Variants in MARCHF1 observed in about 807,000 individuals in gnomAD.
MARCHF1 encodes the protein membrane associated ring-CH-type finger 1.
MARCHF1 carries 40 observed loss-of-function variants against 54.2 expected under a neutral mutation model. That is an observed-to-expected ratio of 0.74 (90% CI 0.57 to 0.96). The LOEUF is 0.96. Among genes scored for constraint, MARCHF1 ranks in the 40% least tolerant of loss-of-function variants. The probability of loss-of-function intolerance (pLI) is 0.00; values close to 1 mark genes in which losing one functional copy is unlikely to be tolerated. For synonymous variants in MARCHF1, 236 were observed against 236.3 expected (o/e 1.00, Z 0.01); for missense variants, 586 against 656.5 (o/e 0.89, Z 1.17).
At chr4:163,641,044 TC>T (rs1466092180) in intron 5 of MARCHF1, among the ~76,000 whole-genome samples, 1 of 152,150 alleles carries the variant, frequency 6.6e-6, no homozygotes, top group Non-Finnish European at 1.5e-5. Context: ...ACATAAAACT[TC>T]ATTATCATGT....
intron 3 of MARCHF1, among the ~76,000 whole-genome samples, chr4:163,863,444 G>A (rs1429551094): frequency 1.3e-5 from 2 of 152,062 alleles, no homozygotes; most frequent in Non-Finnish European, 2.9e-5. Flanking sequence ...CAGAGGTTTG[G>A]CAGATAGTAG....
intron 9 of MARCHF1, among the ~76,000 whole-genome samples, chr4:163,539,817 G>C (rs1252010980): frequency 2.0e-5 from 3 of 152,266 alleles, no homozygotes; most frequent in East Asian, 3.9e-4. Flanking sequence ...TATTTGTTAG[G>C]AAATATTTCT....
At chr4:164,302,729 C>T (rs1235259208) in intron 1 of MARCHF1, among the ~76,000 whole-genome samples, 1 of 151,838 alleles carries the variant, frequency 6.6e-6, no homozygotes, top group Admixed American at 6.6e-5. Context: ...ATTAGCTGGG[C>T]ATGGTGGCCC....
chr4:163,797,307 T>C (rs1179690193), intron 4 of MARCHF1, among the ~76,000 whole-genome samples: 2 of 151,018 alleles, frequency 1.3e-5, no homozygotes, highest in Non-Finnish European at 3.0e-5. Context: ...TTTGGTATTA[T>C]GTACTCTCAG....
intron 5 of MARCHF1, among the ~76,000 whole-genome samples, chr4:163,700,330 C>T (rs893298994): frequency 2.6e-5 from 4 of 151,956 alleles, no homozygotes; most frequent in Admixed American, 1.3e-4. Context: ...CATGGCGAAA[C>T]CCCATCTCTA....
At chr4:163,861,436 A>G (rs1217487097) in intron 3 of MARCHF1, among the ~76,000 whole-genome samples, 1 of 152,148 alleles carries the variant, frequency 6.6e-6, no homozygotes, top group East Asian at 1.9e-4. Context: ...TTTCCTGTAT[A>G]CCTATATACA....
intron 4 of MARCHF1, among the ~76,000 whole-genome samples, chr4:163,771,942 G>A (rs779520645): frequency 4.6e-5 from 7 of 152,070 alleles, no homozygotes; most frequent in Non-Finnish European, 8.8e-5. Context: ...AAAAGGAGTT[G>A]CCCATTTCAA....
intron 3 of MARCHF1, among the ~76,000 whole-genome samples, chr4:163,886,211 A>C (rs1579365798): frequency 6.6e-6 from 1 of 150,538 alleles, no homozygotes; most frequent in South Asian, 2.1e-4. Context: ...CTCTCAATAT[A>C]TATATCTAGA....
chr4:163,942,213 C>A (rs537139194), intron 3 of MARCHF1, among the ~76,000 whole-genome samples: 143 of 152,214 alleles, frequency 9.4e-4, no homozygotes, highest in African/African-American at 3.2e-3. Flanking sequence ...GAAAAGTGAC[C>A]AACTCCACCG....
intron 1 of MARCHF1, among the ~76,000 whole-genome samples, chr4:164,143,216 T>G (rs1325078879): frequency 9.9e-5 from 15 of 152,022 alleles, no homozygotes; most frequent in South Asian, 2.1e-4. Context: ...TGAAAGTGAC[T>G]GGGAGAATGG....
intron 4 of MARCHF1, among the ~76,000 whole-genome samples, chr4:163,767,479 G>T (rs1042159771): frequency 2.6e-5 from 4 of 151,918 alleles, no homozygotes; most frequent in Admixed American, 1.3e-4. Flanking sequence ...GACTACAGGC[G>T]CCCGCCACCA....
At chr4:163,727,153 A>G (rs1389505376) in intron 4 of MARCHF1, among the ~76,000 whole-genome samples, 1 of 152,114 alleles carries the variant, frequency 6.6e-6, no homozygotes, top group Admixed American at 6.6e-5. Context: ...ACCTAAGGTC[A>G]TTTATATTTT....
At chr4:164,311,066 A>C (rs953830832) in intron 1 of MARCHF1, among the ~76,000 whole-genome samples, 3 of 152,150 alleles carry the variant, frequency 2.0e-5, no homozygotes, top group African/African-American at 7.2e-5. Flanking sequence ...ATAGCACTCT[A>C]AATGCTGAAT....
intron 4 of MARCHF1, among the ~76,000 whole-genome samples, chr4:163,835,654 T>C (rs1399047823): frequency 6.6e-6 from 1 of 152,250 alleles, no homozygotes; most frequent in Non-Finnish European, 1.5e-5. Flanking sequence ...TTTCAGAGTT[T>C]ACTCTGGCTC....
At chr4:163,755,794 A>G (rs1746649105) in intron 4 of MARCHF1, among the ~76,000 whole-genome samples, 1 of 152,228 alleles carries the variant, frequency 6.6e-6, no homozygotes, top group Admixed American at 6.5e-5. Flanking sequence ...AGCAAGCTCA[A>G]TAACACTGGT....
chr4:164,238,641 A>G (rs1356056678), intron 1 of MARCHF1, among the ~76,000 whole-genome samples: 1 of 151,650 alleles, frequency 6.6e-6, no homozygotes, highest in African/African-American at 2.4e-5. Flanking sequence ...AGATATTTGT[A>G]TAGTAGCTAT....
intron 4 of MARCHF1, among the ~76,000 whole-genome samples, chr4:163,806,025 TC>T (rs1433103368): frequency 6.6e-6 from 1 of 152,214 alleles, no homozygotes; most frequent in Non-Finnish European, 1.5e-5. Context: ...TGCCTGTTCT[TC>T]AGAGGATGGT....
chr4:164,374,967 G>A (rs868235271), intron 1 of MARCHF1, among the ~76,000 whole-genome samples: 2 of 152,088 alleles, frequency 1.3e-5, no homozygotes, highest in South Asian at 2.1e-4. Context: ...GGGTGCCTGG[G>A]ACCTGACTTT....
chr4:164,060,583 A>T (rs951180471), intron 2 of MARCHF1, among the ~76,000 whole-genome samples: 1 of 152,154 alleles, frequency 6.6e-6, no homozygotes, highest in African/African-American at 2.4e-5. Flanking sequence ...ATTGAATAAA[A>T]TAAGGATATT....
Sources: gnomAD v4.1 joint callset for allele counts (sites outside exome capture counted in the v4.1 genomes callset) on GRCh38, gnomAD v4.1.1 for gene constraint, MANE v1.5 for transcripts, NCBI Gene and HGNC (gene_info 2026-07-23, HGNC 2026-07-21) for gene names.